CASZ1: variants seen among roughly 807,000 people sequenced by gnomAD.
The protein encoded by CASZ1 is zinc finger protein castor homolog 1.
CASZ1 carries 28 observed loss-of-function variants against 135.2 expected under a neutral mutation model. The ratio of observed to expected loss-of-function variants is 0.21; its 90% CI spans 0.15 to 0.28. The LOEUF is 0.28. CASZ1 is among the 10% of genes least tolerant of loss of function. CASZ1 has a pLI of 1.00. For synonymous variants in CASZ1, 1,068 were observed against 1,073.4 expected (o/e 0.99, Z 0.10); for missense variants, 2,161 against 2,453.3 (o/e 0.88, Z 2.52).
chr1:10,776,019 G>A lies in CASZ1; in HGVS notation c.-233-15162C>T, dbSNP rs758471589. Reference sequence around the variant, plus strand: ...TCCCGCCTCCCAAGTCCCCATCAGTGGGGTCTGCTCGGTCCCTGTAGCTAA... The same window carrying A: ...TCCCGCCTCCCAAGTCCCCATCAGTAGGGTCTGCTCGGTCCCTGTAGCTAA... On this transcript the variant is annotated intron_variant, in intron 1 of 20. Transcript: ENST00000377022. This position sits in a 1 kb window ranked among gnomAD's most constrained non-coding sequence, Gnocchi z 4.1. Among the ~76,000 whole-genome samples the A allele has an allele frequency of 2.0e-5, 3 of 152,162 alleles. No homozygotes were observed. The highest frequency in any genetic ancestry group is 4.4e-5 in the Non-Finnish European group (3 of 68,026).
chr1:10,743,195 C>G (rs930448646), intron 2 of CASZ1, among the ~76,000 whole-genome samples: 1 of 151,524 alleles, frequency 6.6e-6, no homozygotes, highest in Non-Finnish European at 1.5e-5. Context: ...CAGGAGGAGT[C>G]TGGGGCATAA....
In CASZ1 at chr1:10,759,508, G is replaced by C. The variant is rs555174147; in HGVS notation, c.-77+1193C>G. ...AGCCACACAGTTGCCCCACCACAGC[G>C]ACCAAAGGCCACATTTGCATCTGAT... On this transcript the variant is annotated intron_variant, in intron 2 of 20. Transcript: ENST00000377022. The surrounding 1 kb of genome is among the most constrained non-coding windows in gnomAD (Gnocchi z 4.2). 4.1e-4 allele frequency among the ~76,000 whole-genome samples: 62 copies of C among 152,210 alleles called. No homozygotes were observed. Among genetic ancestry groups the C allele is most frequent in the Admixed American group, 3.7e-3 (56 of 15,296 alleles).
chr1:10,766,616 C>T (rs1640483032), intron 1 of CASZ1, among the ~76,000 whole-genome samples: 1 of 151,964 alleles, frequency 6.6e-6, no homozygotes, highest in Non-Finnish European at 1.5e-5. Flanking sequence ...ACTTCACAGC[C>T]CCACAAAGCA....
rs376071787 is a variant in CASZ1 at position 10,674,059 on chromosome 1, G to A, written c.17-8488C>T. Reference sequence around the variant, plus strand: ...GATGGACTGAATGGCGACAAGGCAGGGAAACAGGCCCTAAGGTATCCTGAG... The same window carrying A: ...GATGGACTGAATGGCGACAAGGCAGAGAAACAGGCCCTAAGGTATCCTGAG... On this transcript the variant is annotated intron_variant, in intron 4 of 20. Coordinates refer to ENST00000377022, the MANE Select transcript of CASZ1 (RefSeq NM_001079843.3). Among the ~76,000 whole-genome samples, 128 of 152,354 alleles carry A rather than the reference G, an allele frequency of 8.4e-4. 4 individuals carry two copies. The South Asian group carries it at 0.026, about 31-fold the overall frequency.
At chr1:10,749,571 T>G (rs1640111848) in intron 2 of CASZ1, among the ~76,000 whole-genome samples, 1 of 152,110 alleles carries the variant, frequency 6.6e-6, no homozygotes, top group Non-Finnish European at 1.5e-5. Flanking sequence ...TGCTGCAAAC[T>G]TCAAGACAGC....
chr1:10,650,634 G>T, intron 13 of CASZ1, 58 bp downstream of exon 13: 1 of 1,421,384 alleles, frequency 7.0e-7, no homozygotes, highest in Non-Finnish European at 1.0e-6. Flanking sequence ...CCACCCCCCA[G>T]CACAGCTTTA....
chr1:10,784,503 G>A (rs1640820488), intron 1 of CASZ1, among the ~76,000 whole-genome samples: 1 of 152,152 alleles, frequency 6.6e-6, no homozygotes. Flanking sequence ...GTATGAGATG[G>A]TACAGACCCC....
At chr1:10,718,510 C>A (rs182049517) in intron 2 of CASZ1, among the ~76,000 whole-genome samples, 3 of 152,244 alleles carry the variant, frequency 2.0e-5, no homozygotes, top group Non-Finnish European at 2.9e-5. Flanking sequence ...AAGGAGGGCA[C>A]GCCAGGCTCC....
At chr1:10,659,649 C>A in intron 6 of CASZ1, 53 bp downstream of exon 6, 3 of 1,453,266 alleles carry the variant, frequency 2.1e-6, no homozygotes, top group Non-Finnish European at 2.9e-6. Flanking sequence ...AAGGAGGCCT[C>A]CTGTCTAGTC....
intron 2 of CASZ1, among the ~76,000 whole-genome samples, chr1:10,734,353 G>A (rs1402570925): frequency 5.4e-5 from 8 of 148,930 alleles, no homozygotes; most frequent in African/African-American, 1.7e-4. Flanking sequence ...AAAATACAAC[G>A]ACATCTTTTT....
At chr1:10,655,616 C>T (rs1424198586) in intron 9 of CASZ1, 33 bp downstream of exon 9, 2 of 1,588,532 alleles carry the variant, frequency 1.3e-6, no homozygotes, top group African/African-American at 2.7e-5. Flanking sequence ...GCCAGTCCTG[C>T]AGCTGCCCAG....
rs1432688060 is a variant in CASZ1 at position 10,774,261 on chromosome 1, C to T, written c.-233-13404G>A. Among the ~76,000 whole-genome samples, 2 of 152,168 alleles carry T rather than the reference C, an allele frequency of 1.3e-5. No homozygotes were observed. Among genetic ancestry groups the T allele is most frequent in the African/African-American group, 4.8e-5 (2 of 41,452 alleles). ...TACACACGGTATATCTCCTGACTCT[C>T]GGAGAATCGGGAACCATTTCAAAAG... On this transcript the variant is annotated intron_variant, in intron 1 of 20. Transcript: ENST00000377022. The surrounding 1 kb of genome is among the most constrained non-coding windows in gnomAD (Gnocchi z 4.4).
intron 4 of CASZ1, among the ~76,000 whole-genome samples, chr1:10,674,020 C>T (rs969650997): frequency 3.3e-5 from 5 of 152,340 alleles, no homozygotes; most frequent in Middle Eastern, 3.4e-3. Flanking sequence ...GCTATGCAGA[C>T]GGACAGACTG....
At chr1:10,650,783 G>T in intron 12 of CASZ1, 28 bp from the exon 13 acceptor site, 1 of 1,598,640 alleles carries the variant, frequency 6.3e-7, no homozygotes, top group Non-Finnish European at 8.5e-7. Flanking sequence ...AGGGACTTGA[G>T]CTCAGACGGC....
intron 1 of CASZ1, among the ~76,000 whole-genome samples, chr1:10,769,223 C>T (rs907795422): frequency 7.2e-5 from 11 of 152,204 alleles, no homozygotes; most frequent in African/African-American, 2.2e-4. Flanking sequence ...CCTTAAGAGA[C>T]ACTTAGAAAA....
At chr1:10,686,297 G>GA (rs1213754975) in intron 4 of CASZ1, among the ~76,000 whole-genome samples, 8 of 152,098 alleles carry the variant, frequency 5.3e-5, no homozygotes, top group Non-Finnish European at 8.8e-5. Context: ...AAAGTTGGCA[G>GA]AAAAAAAATT....
In CASZ1 at chr1:10,694,317, C is replaced by A; in HGVS notation, c.-23-405G>T. 8.6e-7 allele frequency: 1 copy of A among 1,158,060 alleles called. No individual in the cohort carries two copies. Among genetic ancestry groups the A allele is most frequent in the Non-Finnish European group, 1.1e-6 (1 of 915,340 alleles). The allele number at this position is 1,158,060 out of a possible 1,614,324, so 71.7% of individuals were successfully genotyped here. A position where few individuals can be genotyped will look rare whatever the true frequency, so the allele number is the denominator to read the frequency against. On this transcript the variant is annotated intron_variant, in intron 3 of 20. Transcript: ENST00000377022. This position sits in a 1 kb window ranked among gnomAD's most constrained non-coding sequence, Gnocchi z 6.6. The stretch of plus-strand genomic sequence containing the variant: ...CTCACCATAGTCGGAGAGTCGAAAG[C>A]CGAATTCACTTAAATAATCAACTTT...
At chr1:10,661,934 C>T (rs949381871) in intron 5 of CASZ1, among the ~76,000 whole-genome samples, 5 of 151,352 alleles carry the variant, frequency 3.3e-5, no homozygotes, top group Admixed American at 6.6e-5. Flanking sequence ...CACCCACAGT[C>T]GCATGCACTC....
In CASZ1 at chr1:10,700,204, G is replaced by A. The variant is rs1639033507; in HGVS notation, c.-24+5288C>T. 6.6e-6 allele frequency among the ~76,000 whole-genome samples: 1 copy of A among 152,180 alleles called. No individual in the cohort carries two copies. Among genetic ancestry groups the A allele is most frequent in the Admixed American group, 6.5e-5 (1 of 15,284 alleles). ...CCCAGCCCGGGCGGGGACCTGTTCT[G>A]GAATGTTGGGTTGGCATTTTGTCTC... On this transcript the variant is annotated intron_variant, in intron 3 of 20. Transcript: ENST00000377022. This position sits in a 1 kb window ranked among gnomAD's most constrained non-coding sequence, Gnocchi z 4.2.
Sources: gnomAD v4.1 joint callset for allele counts (sites outside exome capture counted in the v4.1 genomes callset) on GRCh38, gnomAD v4.1.1 for gene constraint, Gnocchi (gnomAD v3.1) non-coding constraint, MANE v1.5 for transcripts, NCBI Gene and HGNC (gene_info 2026-07-23, HGNC 2026-07-21) for gene names.